Variants in ATP6V0B observed in about 807,000 individuals in gnomAD.
The protein encoded by ATP6V0B is ATPase H+ transporting V0 subunit b.
ATP6V0B carries 4 observed loss-of-function variants against 26.2 expected under a neutral mutation model. That is an observed-to-expected ratio of 0.15 (90% CI 0.08 to 0.35). The LOEUF (loss-of-function observed/expected upper bound fraction) is 0.35. ATP6V0B is among the 10% of genes least tolerant of loss of function. The probability of loss-of-function intolerance (pLI) is 1.00; values close to 1 mark genes in which losing one functional copy is unlikely to be tolerated. For synonymous variants in ATP6V0B, 110 were observed against 105.8 expected (o/e 1.04, Z -0.24); for missense variants, 175 against 272.5 (o/e 0.64, Z 2.52).
chr1:43,975,751 C>G (rs1183629492), intron 1 of ATP6V0B, 49 bp from the exon 2 acceptor site: 3 of 1,587,540 alleles, frequency 1.9e-6, no homozygotes, highest in Non-Finnish European at 2.6e-6. Context: ...TGAAGAACTT[C>G]TCTCTACCGA....
chr1:43,977,301 T>C, intron 7 of ATP6V0B, 85 bp downstream of exon 7: 1 of 1,611,510 alleles, frequency 6.2e-7, no homozygotes, highest in Non-Finnish European at 8.5e-7. Flanking sequence ...GTGCTCTCCT[T>C]CTCTACCTAT....
At position 43,976,195 on chromosome 1, in the gene ATP6V0B, C is replaced by T; in HGVS notation, c.200+22C>T. On this transcript the variant is annotated intron_variant, in intron 3 of 7. Transcript: ENST00000472174. This position sits in a 1 kb window ranked among gnomAD's most constrained non-coding sequence, Gnocchi z 4.6. ...CCTGGTGAGTATTGGGGTGGTGGGA[C>T]TGGGGGCAGGGGCTGAGTCATGGCA... The T allele has an allele frequency of 6.2e-7, 1 of 1,612,216 alleles. No individual in the cohort carries two copies. The highest frequency in any genetic ancestry group is 8.5e-7 in the Non-Finnish European group (1 of 1,178,470).
chr1:43,976,994 T>A lies in ATP6V0B; in HGVS notation c.401-32T>A. ...GCCCATATCTCCCCCATTCCTGGCT[T>A]AGCCTCACTGCACCCCTCTCTATCC... On this transcript the variant is annotated intron_variant, in intron 6 of 7. Transcript: ENST00000472174. The surrounding 1 kb of genome is among the most constrained non-coding windows in gnomAD (Gnocchi z 4.6). The A allele has an allele frequency of 6.2e-7, 1 of 1,600,774 alleles. No individual in the cohort carries two copies.
chr1:43,978,201 C>T lies in ATP6V0B; in HGVS notation c.*194C>T, dbSNP rs113898435. The T allele has an allele frequency of 1.7e-4, 124 of 722,974 alleles. 1 individual carries two copies. The South Asian group carries it at 2.1e-3, about 12-fold the overall frequency. 44.8% of individuals were successfully genotyped at this position (722,974 alleles called of 1,614,324 possible). A position where few individuals can be genotyped will look rare whatever the true frequency, so the allele number is the denominator to read the frequency against. ...CAGTGCGGGGAGCAGGCTGCTGCTGCTGACTCTGTGCAGCTGCGCACCTGT... is the reference window on the plus strand; with the variant it reads ...CAGTGCGGGGAGCAGGCTGCTGCTGTTGACTCTGTGCAGCTGCGCACCTGT... On this transcript the variant is annotated 3_prime_UTR_variant, in exon 8 of 8. Coordinates refer to ENST00000472174, the MANE Select transcript of ATP6V0B (RefSeq NM_004047.5).
chr1:43,976,578 T>C lies in ATP6V0B; in HGVS notation c.279-12T>C. The C allele has an allele frequency of 6.2e-7, 1 of 1,613,876 alleles. No homozygotes were observed. On this transcript the variant is annotated splice_polypyrimidine_tract_variant and intron_variant, in intron 4 of 7. Transcript: ENST00000472174. This position sits in a 1 kb window ranked among gnomAD's most constrained non-coding sequence, Gnocchi z 4.6. ...CTTTCCACTCCTTACCCCTAATCTC[T>C]ACCACTACCAGCATCATCTTCTGTG...
chr1:43,976,519 G>A lies in ATP6V0B; in HGVS notation c.279-71G>A. 2 of 1,583,496 alleles carry A rather than the reference G, an allele frequency of 1.3e-6. No individual in the cohort carries two copies. The highest frequency in any genetic ancestry group is 1.7e-6 in the Non-Finnish European group (2 of 1,153,074). On this transcript the variant is annotated intron_variant, in intron 4 of 7. Transcript: ENST00000472174. The surrounding 1 kb of genome is among the most constrained non-coding windows in gnomAD (Gnocchi z 4.6). ...GGAAAGATTGCTGGGGACTTACTGGGCAGGAAGGACGGTTTCTTTCTCATT... is the reference window on the plus strand; with the variant it reads ...GGAAAGATTGCTGGGGACTTACTGGACAGGAAGGACGGTTTCTTTCTCATT...
chr1:43,977,845 T>C, intron 7 of ATP6V0B, 136 bp from the exon 8 acceptor site: 1 of 1,597,606 alleles, frequency 6.3e-7, no homozygotes, highest in South Asian at 1.1e-5. Context: ...TCTGTCACAG[T>C]GTGTCCATCC....
At position 43,976,206 on chromosome 1, in the gene ATP6V0B, G is replaced by A; in HGVS notation, c.200+33G>A. 6.2e-7 allele frequency: 1 copy of A among 1,611,370 alleles called. No individual in the cohort carries two copies. Among genetic ancestry groups the A allele is most frequent in the Non-Finnish European group, 8.5e-7 (1 of 1,177,576 alleles). On this transcript the variant is annotated intron_variant, in intron 3 of 7. Transcript: ENST00000472174. The surrounding 1 kb of genome is among the most constrained non-coding windows in gnomAD (Gnocchi z 4.6). ...TTGGGGTGGTGGGACTGGGGGCAGG[G>A]GCTGAGTCATGGCAGGTGGTGTCAC... is the stretch of plus-strand genomic sequence containing the variant.
In ATP6V0B at chr1:43,978,190, GGCT is replaced by G. The variant is rs571430232; in HGVS notation, c.*194_*196del. 20 of 803,968 alleles carry G rather than the reference GGCT, an allele frequency of 2.5e-5. No individual in the cohort carries two copies. The highest frequency in any genetic ancestry group is 1.9e-4 in the African/African-American group (11 of 58,582). 49.8% of individuals were successfully genotyped at this position (803,968 alleles called of 1,614,324 possible). A position where few individuals can be genotyped will look rare whatever the true frequency, so the allele number is the denominator to read the frequency against. On this transcript the variant is annotated 3_prime_UTR_variant, in exon 8 of 8. Transcript: ENST00000472174. The stretch of plus-strand genomic sequence containing the variant: ...GGCCGAGTCCTCAGTGCGGGGAGCA[GGCT>G]GCTGCTGCTGACTCTGTGCAGCTGC...
intron 7 of ATP6V0B, chr1:43,977,568 C>G: frequency 7.0e-7 from 1 of 1,425,152 alleles, no homozygotes; most frequent in Non-Finnish European, 9.1e-7. Flanking sequence ...CTGTCTATAT[C>G]AGTCTGTCAT....
intron 2 of ATP6V0B, 98 bp from the exon 3 acceptor site, chr1:43,975,992 G>GAAC: frequency 6.5e-7 from 1 of 1,527,452 alleles, no homozygotes; most frequent in South Asian, 1.1e-5. Flanking sequence ...GTTGCCTGTA[G>GAAC]AACTGGTGGT....
intron 1 of ATP6V0B, 110 bp downstream of exon 1, chr1:43,975,217 C>A: frequency 1.6e-6 from 2 of 1,283,892 alleles, no homozygotes; most frequent in South Asian, 1.4e-5. Context: ...GCGCTCTGCA[C>A]CCGAGGCTCT....
At position 43,977,222 on chromosome 1, in the gene ATP6V0B, G is replaced by C; in HGVS notation, c.591+6G>C. ...TCATCGTCGCAATTCTTCAGGTGATGAATCCCCTTGGGAAGCCTCTGTGTC... is the reference window on the plus strand; with the variant it reads ...TCATCGTCGCAATTCTTCAGGTGATCAATCCCCTTGGGAAGCCTCTGTGTC... On this transcript the variant is annotated splice_donor_region_variant and intron_variant, in intron 7 of 7. Coordinates refer to ENST00000472174, the MANE Select transcript of ATP6V0B (RefSeq NM_004047.5). 6.2e-7 allele frequency: 1 copy of C among 1,614,200 alleles called. No individual in the cohort carries two copies. The highest frequency in any genetic ancestry group is 8.5e-7 in the Non-Finnish European group (1 of 1,180,036).
intron 1 of ATP6V0B, 158 bp from the exon 2 acceptor site, chr1:43,975,642 A>G: frequency 1.3e-6 from 1 of 793,382 alleles, no homozygotes; most frequent in Admixed American, 2.1e-5. Context: ...TGGAGGCCTA[A>G]GCAGAGGAAT....
At position 43,976,005 on chromosome 1, in the gene ATP6V0B, G is replaced by T; in HGVS notation, c.117-85G>T. 1 of 1,534,514 alleles carries T rather than the reference G, an allele frequency of 6.5e-7. No homozygotes were observed. The highest frequency in any genetic ancestry group is 9.0e-7 in the Non-Finnish European group (1 of 1,109,272). ...TTGTTGCCTGTAGAACTGGTGGTGGGGTTGAAGGGGGTTTGAGGGGTTAAG... is the reference window on the plus strand; with the variant it reads ...TTGTTGCCTGTAGAACTGGTGGTGGTGTTGAAGGGGGTTTGAGGGGTTAAG... On this transcript the variant is annotated intron_variant, in intron 2 of 7. Coordinates refer to ENST00000472174, the MANE Select transcript of ATP6V0B (RefSeq NM_004047.5). The surrounding 1 kb of genome is among the most constrained non-coding windows in gnomAD (Gnocchi z 4.6).
Position 43,976,196 on chromosome 1 carries a change from TG to T in ATP6V0B, c.200+28del. On this transcript the variant is annotated intron_variant, in intron 3 of 7. Coordinates refer to ENST00000472174, the MANE Select transcript of ATP6V0B (RefSeq NM_004047.5). The surrounding 1 kb of genome is among the most constrained non-coding windows in gnomAD (Gnocchi z 4.6). Reference sequence around the variant, plus strand: ...CTGGTGAGTATTGGGGTGGTGGGACTGGGGGCAGGGGCTGAGTCATGGCAGG... The same window carrying T: ...CTGGTGAGTATTGGGGTGGTGGGACTGGGGCAGGGGCTGAGTCATGGCAGG... 1 of 1,611,676 alleles carries T rather than the reference TG, an allele frequency of 6.2e-7. No homozygotes were observed. The highest frequency in any genetic ancestry group is 8.5e-7 in the Non-Finnish European group (1 of 1,177,986).
chr1:43,977,754 G>A, intron 7 of ATP6V0B: 1 of 1,451,976 alleles, frequency 6.9e-7, no homozygotes, highest in Non-Finnish European at 9.0e-7. Context: ...TTGATTCTTA[G>A]TGACTAGCTT....
rs780102522 is a variant in ATP6V0B, at chr1:43,977,226, C to T, written c.591+10C>T. The T allele has an allele frequency of 6.2e-7, 1 of 1,614,184 alleles. No homozygotes were observed. Among genetic ancestry groups the T allele is most frequent in the Non-Finnish European group, 8.5e-7 (1 of 1,180,030 alleles). ...CGTCGCAATTCTTCAGGTGATGAAT[C>T]CCCTTGGGAAGCCTCTGTGTCCTTG... is the stretch of plus-strand genomic sequence containing the variant. On this transcript the variant is annotated intron_variant, in intron 7 of 7. Coordinates refer to ENST00000472174, the MANE Select transcript of ATP6V0B (RefSeq NM_004047.5).
chr1:43,977,377 GCTCT>G (rs1000321309), intron 7 of ATP6V0B, 161 bp downstream of exon 7: 31 of 1,527,590 alleles, frequency 2.0e-5, no homozygotes, highest in African/African-American at 2.8e-5. Flanking sequence ...TCCTACAGGG[GCTCT>G]CTATTTTTGT....
Sources: allele counts gnomAD v4.1 joint callset, GRCh38; gene constraint gnomAD v4.1.1; non-coding constraint Gnocchi (gnomAD v3.1); transcripts MANE v1.5; gene names NCBI Gene and HGNC (gene_info 2026-07-23, HGNC 2026-07-21).